Variants in MEGF8 observed in about 807,000 individuals in gnomAD.
MEGF8 encodes the protein multiple epidermal growth factor-like domains protein 8.
Under a neutral mutation model 302.9 loss-of-function variants are expected in MEGF8, and 156 were observed. That is an observed-to-expected ratio of 0.52 (90% CI 0.45 to 0.59). MEGF8 has a LOEUF of 0.59. Ranked by LOEUF, MEGF8 falls within the 20% of genes least tolerant of loss-of-function variation. The pLI, the probability that MEGF8 is intolerant of heterozygous loss-of-function variation, is 0.00. For synonymous variants in MEGF8, 1,621 were observed against 1,660.5 expected, an observed-to-expected ratio of 0.98 and a Z score of 0.58; for missense variants, 3,345 against 3,964.5, an observed-to-expected ratio of 0.84 and a Z score of 4.20.
chr19:42,358,866 T>C lies in MEGF8; in HGVS notation c.5255T>C (p.Phe1752Ser). ...VPGEQPGSWG[F>S]REVRKKMALW... ...GGGGAGCAGCCTGGGTCATGGGGGTTCCGGGAAGTCAGGAAGAAGATGGCT... is the reference window on the plus strand; with the variant it reads ...GGGGAGCAGCCTGGGTCATGGGGGTCCCGGGAAGTCAGGAAGAAGATGGCT... Residue 1752 changes from phenylalanine to serine, a missense_variant, in exon 30 of 42, where the codon TTC (phenylalanine) becomes TCC (serine). Coordinates refer to ENST00000251268, the MANE Select transcript of MEGF8 (RefSeq NM_001271938.2). This position sits in a 1 kb window ranked among gnomAD's most constrained non-coding sequence, Gnocchi z 4.4. 3.1e-6 allele frequency: 5 copies of C among 1,610,250 alleles called. No homozygotes were observed. Among genetic ancestry groups the C allele is most frequent in the Non-Finnish European group, 4.2e-6 (5 of 1,178,340 alleles).
chr19:42,328,733 A>G (rs2039018142), intron 1 of MEGF8, among the ~76,000 whole-genome samples: 2 of 152,084 alleles, frequency 1.3e-5, no homozygotes, highest in African/African-American at 2.4e-5. Context: ...GTCAGGCTTT[A>G]GAGACCAGCC....
Position 42,375,657 on chromosome 19 carries a change from C to T in MEGF8, c.7420C>T (p.Arg2474Cys), listed in dbSNP as rs753671779. The T allele has an allele frequency of 1.6e-5, 25 of 1,610,218 alleles. No homozygotes were observed. Among genetic ancestry groups the T allele is most frequent in the Admixed American group, 1.2e-4 (7 of 59,578 alleles). Residue 2474 changes from arginine to cysteine, a missense_variant, in exon 42 of 42, where the codon CGC (arginine) becomes TGC (cysteine). Physicochemically the swap from Arg to Cys is radical, Grantham distance 180. Transcript: ENST00000251268. The surrounding 1 kb of genome is among the most constrained non-coding windows in gnomAD (Gnocchi z 7.1). ...CAAACGCCGGGCGCTAGGCCCCGGC[C>T]GCACTGTCCTCTTTGGCGTGCAGCC... ...EPKRRALGPG[R>C]TVLFGVQPKF...
intron 1 of MEGF8, among the ~76,000 whole-genome samples, chr19:42,331,434 C>T (rs546865930): frequency 1.6e-4 from 24 of 152,336 alleles, no homozygotes; most frequent in Non-Finnish European, 3.1e-4. Flanking sequence ...CTCCCCTGAG[C>T]TGCCTGTTCA....
At chr19:42,363,300 C>CGG (rs769145453) in intron 35 of MEGF8, 38 bp downstream of exon 35, 1 of 1,533,660 alleles carries the variant, frequency 6.5e-7, no homozygotes, top group Non-Finnish European at 8.8e-7. Context: ...GGCAAGGGCC[C>CGG]GGGCAGGTCT....
At chr19:42,327,164 C>T (rs1165906522) in intron 1 of MEGF8, among the ~76,000 whole-genome samples, 4 of 152,170 alleles carry the variant, frequency 2.6e-5, no homozygotes, top group African/African-American at 9.7e-5. Context: ...CATATAGTAA[C>T]TGTTCAATAA....
At position 42,376,469 on chromosome 19, in the gene MEGF8, G is replaced by T; in HGVS notation, c.8232G>T (p.Trp2744Cys). The change falls in exon 42 of 42, where the codon TGG becomes TGT. Residue 2744 changes from tryptophan (W) to cysteine (C), a missense_variant. Transcript: ENST00000251268. This position sits in a 1 kb window ranked among gnomAD's most constrained non-coding sequence, Gnocchi z 8.2. ...PLLLTGAGGP[W>C]GPMGGGCCPP... ...TGCTGACAGGGGCCGGTGGGCCCTGGGGACCCATGGGAGGGGGCTGCTGCC... is the reference window on the plus strand; with the variant it reads ...TGCTGACAGGGGCCGGTGGGCCCTGTGGACCCATGGGAGGGGGCTGCTGCC... The T allele has an allele frequency of 6.2e-7, 1 of 1,606,152 alleles. No individual in the cohort carries two copies. The highest frequency in any genetic ancestry group is 8.5e-7 in the Non-Finnish European group (1 of 1,177,828).
Position 42,354,637 on chromosome 19 carries a change from G to A in MEGF8, c.4061G>A (p.Gly1354Asp), listed in dbSNP as rs1293983151. ...FDGFPRFLDTGVVQSDRSLIA... is the reference protein window; with the variant it reads ...FDGFPRFLDTDVVQSDRSLIA... ...GGATTCCCACGCTTCCTGGACACTG[G>A]TGTTGTCCAGTCGGACCGCAGCCTC... The change falls in exon 23 of 42, where the codon GGT becomes GAT. Residue 1354 changes from glycine to aspartate, a missense_variant. Physicochemically the swap from Gly to Asp is moderately conservative, Grantham distance 94 (BLOSUM62 -1). Coordinates refer to ENST00000251268, the MANE Select transcript of MEGF8 (RefSeq NM_001271938.2). The surrounding 1 kb of genome is among the most constrained non-coding windows in gnomAD (Gnocchi z 4.3). 3 of 1,612,778 alleles carry A rather than the reference G, an allele frequency of 1.9e-6. No individual in the cohort carries two copies. The highest frequency in any genetic ancestry group is 2.2e-5 in the South Asian group (2 of 91,068).
chr19:42,347,161 T>C (rs978250521), intron 12 of MEGF8, among the ~76,000 whole-genome samples: 14 of 152,112 alleles, frequency 9.2e-5, no homozygotes, highest in Admixed American at 2.0e-4. Flanking sequence ...TTCTTTGATC[T>C]TATTCCAGAA....
intron 1 of MEGF8, 74 bp downstream of exon 1, chr19:42,326,504 A>G (rs2038985751): frequency 6.9e-7 from 1 of 1,459,306 alleles, no homozygotes; most frequent in African/African-American, 1.5e-5. Context: ...CACTCACCAC[A>G]TTCCCAGAGC....
At chr19:42,340,059 A>C (rs1409864697) in intron 8 of MEGF8, among the ~76,000 whole-genome samples, 4 of 152,064 alleles carry the variant, frequency 2.6e-5, no homozygotes, top group Non-Finnish European at 5.9e-5. Flanking sequence ...TTCCGTCCCC[A>C]AAAAAACAAA....
Position 42,356,844 on chromosome 19 carries a change from C to T in MEGF8, c.4693C>T (p.Pro1565Ser), listed in dbSNP as rs1444767873. The change falls in exon 27 of 42, where the codon CCC (proline) becomes TCC (serine). Residue 1565 changes from proline to serine, a missense_variant. Physicochemically the swap from Pro to Ser is moderately conservative, Grantham distance 74. Transcript: ENST00000251268. The surrounding 1 kb of genome is among the most constrained non-coding windows in gnomAD (Gnocchi z 5.2). ...GAEDGGPGPS[P>S]RSFHAAAYVP... ...CGAGGACGGGGGCCCAGGCCCATCG[C>T]CCCGCTCCTTCCATGCAGCCGCATA... The T allele has an allele frequency of 1.3e-6, 2 of 1,569,630 alleles. No homozygotes were observed. The highest frequency in any genetic ancestry group is 1.2e-5 in the South Asian group (1 of 85,318).
rs111517690 is a variant in MEGF8, at chr19:42,353,360, C to T, written c.3551-105C>T. Reference sequence around the variant, plus strand: ...TCCCCTGATCTGGGCCTTGGTTTCTCACCTTTGAAGCGGCTGGGTGGGGTC... The same window carrying T: ...TCCCCTGATCTGGGCCTTGGTTTCTTACCTTTGAAGCGGCTGGGTGGGGTC... On this transcript the variant is annotated intron_variant, in intron 20 of 41. Coordinates refer to ENST00000251268, the MANE Select transcript of MEGF8 (RefSeq NM_001271938.2). This position sits in a 1 kb window ranked among gnomAD's most constrained non-coding sequence, Gnocchi z 6.1. The T allele has an allele frequency of 3.0e-3, 4,047 of 1,344,266 alleles. 74 individuals carry two copies. The African/African-American group carries it at 0.043, about 14-fold the overall frequency. 83.3% of individuals were successfully genotyped at this position (1,344,266 alleles called of 1,614,324 possible). A position where few individuals can be genotyped will look rare whatever the true frequency, so the allele number is the denominator to read the frequency against.
intron 8 of MEGF8, among the ~76,000 whole-genome samples, chr19:42,343,049 G>A (rs2039236986): frequency 6.6e-6 from 1 of 152,150 alleles, no homozygotes; most frequent in Non-Finnish European, 1.5e-5. Flanking sequence ...GTGCTAGACA[G>A]ACAAAAATGG....
chr19:42,363,022 T>A (rs1372774386), intron 34 of MEGF8, 26 bp from the exon 35 acceptor site: 2 of 1,595,066 alleles, frequency 1.3e-6, no homozygotes, highest in Non-Finnish European at 1.7e-6. Context: ...GGGTCTGAGG[T>A]TCTAATCCCC....
rs772115510 is a variant in MEGF8 at position 42,326,433 on chromosome 19, G to A, written c.187+3G>A. 39 of 1,537,272 alleles carry A rather than the reference G, an allele frequency of 2.5e-5. No homozygotes were observed. The highest frequency in any genetic ancestry group is 3.3e-5 in the Non-Finnish European group (38 of 1,148,210). On this transcript the variant is annotated splice_donor_region_variant and intron_variant, in intron 1 of 41. Coordinates refer to ENST00000251268, the MANE Select transcript of MEGF8 (RefSeq NM_001271938.2). ...CAACTGCGAGTGGCTCATCGAGGGTGAGTGGGGCCGCGTGGGTCACTCACT... is the reference window on the plus strand; with the variant it reads ...CAACTGCGAGTGGCTCATCGAGGGTAAGTGGGGCCGCGTGGGTCACTCACT...
intron 41 of MEGF8, among the ~76,000 whole-genome samples, chr19:42,373,483 C>G (rs184868997): frequency 1.3e-5 from 2 of 152,192 alleles, no homozygotes; most frequent in African/African-American, 4.8e-5. Context: ...TCATTGCAAC[C>G]TCTGCCTCCC....
intron 31 of MEGF8, 122 bp downstream of exon 31, chr19:42,359,364 G>A (rs1037090628): frequency 3.0e-5 from 26 of 868,562 alleles, no homozygotes; most frequent in African/African-American, 2.8e-4. Flanking sequence ...CAGAGCTCCC[G>A]CTCTTCTGGA....
At position 42,358,113 on chromosome 19, in the gene MEGF8, TC is replaced by T; in HGVS notation, c.5012-26del. On this transcript the variant is annotated intron_variant, in intron 28 of 41. Transcript: ENST00000251268. The surrounding 1 kb of genome is among the most constrained non-coding windows in gnomAD (Gnocchi z 4.4). ...CGGGGTCAGTGCTGTTGTCAGCCCC[TC>T]CCCCAGCCTGTCACCCTGCCCCTCA... 6.7e-7 allele frequency: 1 copy of T among 1,500,292 alleles called. No individual in the cohort carries two copies. The highest frequency in any genetic ancestry group is 1.3e-5 in the South Asian group (1 of 75,220). The allele number at this position is 1,500,292 out of a possible 1,614,324, so 92.9% of individuals were successfully genotyped here.
rs1324727909 is a variant in MEGF8 at position 42,335,100 on chromosome 19, G to A, written c.624G>A (p.Glu208=). 1 of 1,613,838 alleles carries A rather than the reference G, an allele frequency of 6.2e-7. No homozygotes were observed. Among genetic ancestry groups the A allele is most frequent in the African/African-American group, 1.3e-5 (1 of 74,922 alleles). The change falls in exon 4 of 42, where the codon GAG becomes GAA. Residue 208 remains glutamate (E), a synonymous_variant. Transcript: ENST00000251268. The part of the protein sequence containing the change: ...LGRACDLHLW[E]NQGAGWWHNV... ...GTGCCTGTGACCTGCACCTGTGGGA[G>A]AACCAGGGGGCTGGGTGGTGGCACA...
Sources: gnomAD v4.1 joint callset for allele counts (sites outside exome capture counted in the v4.1 genomes callset) on GRCh38, gnomAD v4.1.1 for gene constraint, Gnocchi (gnomAD v3.1) non-coding constraint, MANE v1.5 for transcripts, NCBI Gene and HGNC (gene_info 2026-07-23, HGNC 2026-07-21) for gene names.